The following SGMS1 variants were observed in gnomAD, a reference collection of about 807,000 sequenced individuals.
SGMS1 encodes sphingomyelin synthase 1.
Under a neutral mutation model 46.2 loss-of-function variants are expected in SGMS1, and 13 were observed. The observed-to-expected ratio is 0.28, with a 90% CI of 0.18 to 0.45. The LOEUF (loss-of-function observed/expected upper bound fraction) is 0.45. SGMS1 is among the 20% of genes least tolerant of loss of function. The probability of loss-of-function intolerance (pLI) is 1.00; values close to 1 mark genes in which losing one functional copy is unlikely to be tolerated. For synonymous variants in SGMS1, 203 were observed against 187.8 expected, an observed-to-expected ratio of 1.08 and a Z score of -0.66; for missense variants, 324 against 519.9, an observed-to-expected ratio of 0.62 and a Z score of 3.66.
At chr10:50,615,719 A>T (rs1330341845) in intron 1 of SGMS1, among the ~76,000 whole-genome samples, 1 of 152,208 alleles carries the variant, frequency 6.6e-6, no homozygotes, top group Admixed American at 6.5e-5. Flanking sequence ...CAAGGCTCCC[A>T]ACAGAAATGA....
chr10:50,559,929 T>C (rs1838218888), intron 2 of SGMS1, among the ~76,000 whole-genome samples: 1 of 151,996 alleles, frequency 6.6e-6, no homozygotes, highest in South Asian at 2.1e-4. Flanking sequence ...TTTGTTAAAA[T>C]AGAAGAAAGG....
rs778766096 is a variant in SGMS1, at chr10:50,343,622, C to T, written c.493G>A (p.Val165Met). 1.2e-6 allele frequency: 2 copies of T among 1,614,116 alleles called. No individual in the cohort carries two copies. Among genetic ancestry groups the T allele is most frequent in the South Asian group, 1.1e-5 (1 of 91,070 alleles). Residue 165 changes from valine (V) to methionine (M), a missense_variant, in exon 7 of 11, where the codon GTG (valine) becomes ATG (methionine). Coordinates refer to ENST00000361781, the MANE Select transcript of SGMS1 (RefSeq NM_147156.4). ...VVHERVPPKE[V>M]QPPLPDTFFD... ...AATGTGTCCGGTAGTGGAGGCTGCACCTCCTTAGGAGGTACTCGTTCGTGG... is the reference window on the plus strand; with the variant it reads ...AATGTGTCCGGTAGTGGAGGCTGCATCTCCTTAGGAGGTACTCGTTCGTGG...
At chr10:50,488,251 T>C (rs1232034445) in intron 3 of SGMS1, among the ~76,000 whole-genome samples, 1 of 152,076 alleles carries the variant, frequency 6.6e-6, no homozygotes, top group Non-Finnish European at 1.5e-5. Flanking sequence ...TGACTTCAAA[T>C]GATCCATCCA....
chr10:50,477,876 T>G (rs1315459099), intron 3 of SGMS1, among the ~76,000 whole-genome samples: 2 of 152,200 alleles, frequency 1.3e-5, no homozygotes, highest in African/African-American at 4.8e-5. Context: ...CAGAAGCCTG[T>G]ACATCCAACA....
At chr10:50,453,403 T>C (rs1005570858) in intron 5 of SGMS1, among the ~76,000 whole-genome samples, 7 of 151,554 alleles carry the variant, frequency 4.6e-5, no homozygotes, top group Admixed American at 1.3e-4. Flanking sequence ...GGGATAAAAC[T>C]GTAGGATAAA....
chr10:50,342,137 C>G (rs925333152), intron 7 of SGMS1: 1 of 152,244 alleles, frequency 6.6e-6, no homozygotes, highest in African/African-American at 2.4e-5. Context: ...GTATTTTGTT[C>G]CAGTGGGATT....
intron 3 of SGMS1, among the ~76,000 whole-genome samples, chr10:50,507,918 T>C (rs926447969): frequency 2.6e-5 from 4 of 152,180 alleles, no homozygotes; most frequent in Non-Finnish European, 5.9e-5. Flanking sequence ...TCCAAGCCAG[T>C]GGCTCCTCTG....
At chr10:50,415,057 C>G (rs183297077) in intron 6 of SGMS1, among the ~76,000 whole-genome samples, 212 of 152,310 alleles carry the variant, frequency 1.4e-3, no homozygotes, top group Middle Eastern at 3.4e-3. Context: ...GGAGGCGGAG[C>G]TTGCAGTGAG....
rs575218188 is a variant in SGMS1 at position 50,500,751 on chromosome 10, A to T, written c.-498+19080T>A. Among the ~76,000 whole-genome samples the T allele has an allele frequency of 2.0e-5, 3 of 152,338 alleles. No homozygotes were observed. In the South Asian group the frequency reaches 6.2e-4, roughly 32 times the overall value. Reference sequence around the variant, plus strand: ...CAGGACTACCACCTTGGCTAACGTAAGTCCATACTAACTTTTTTCTTCCAT... The same window carrying T: ...CAGGACTACCACCTTGGCTAACGTATGTCCATACTAACTTTTTTCTTCCAT... On this transcript the variant is annotated intron_variant, in intron 3 of 10. Transcript: ENST00000361781.
upstream of SGMS1, chr10:50,624,639 C>T (rs1355289307): frequency 4.1e-6 from 4 of 985,348 alleles, no homozygotes; most frequent in East Asian, 1.1e-4. Context: ...GCGGCGAAAA[C>T]CCGGAGAGCG....
At chr10:50,378,904 T>C (rs1167802132) in intron 6 of SGMS1, among the ~76,000 whole-genome samples, 4 of 152,196 alleles carry the variant, frequency 2.6e-5, no homozygotes, top group African/African-American at 9.7e-5. Context: ...GGGAGGTTTT[T>C]TCTTCCTAAA....
At chr10:50,416,531 T>C (rs1564907551) in intron 6 of SGMS1, among the ~76,000 whole-genome samples, 1 of 152,176 alleles carries the variant, frequency 6.6e-6, no homozygotes, top group African/African-American at 2.4e-5. Flanking sequence ...AGAGATATAA[T>C]AAAATATTAT....
upstream of SGMS1, chr10:50,625,015 T>TC (rs1838909433): frequency 9.9e-7 from 1 of 1,006,600 alleles, no homozygotes; most frequent in Non-Finnish European, 1.2e-6. Context: ...GGGACCGTCC[T>TC]CCCCCGCCAC....
intron 3 of SGMS1, among the ~76,000 whole-genome samples, chr10:50,494,638 TAGG>T (rs1347893253): frequency 6.6e-6 from 1 of 151,776 alleles, no homozygotes; most frequent in Admixed American, 6.6e-5. Context: ...GGGTAGAGGG[TAGG>T]AGGAGGGAAA....
intron 1 of SGMS1, among the ~76,000 whole-genome samples, chr10:50,622,704 G>T (rs1838865254): frequency 6.6e-6 from 1 of 152,202 alleles, no homozygotes; most frequent in South Asian, 2.1e-4. Context: ...CACCTGCCTG[G>T]ATTCTCTTCG....
intron 6 of SGMS1, among the ~76,000 whole-genome samples, chr10:50,379,859 C>A (rs137932217): frequency 1.3e-5 from 2 of 152,112 alleles, no homozygotes; most frequent in Non-Finnish European, 2.9e-5. Flanking sequence ...TTCCTGGCAA[C>A]GGCAGTTCTG....
intron 2 of SGMS1, among the ~76,000 whole-genome samples, chr10:50,538,457 CA>C (rs61633959): frequency 0.69 from 59,212 of 85,668 alleles, 18,523 homozygotes; most frequent in East Asian, 0.9. Context: ...GACTCCATCT[CA>C]AAAAAAAAAA....
At chr10:50,369,936 A>G (rs1277641632) in intron 6 of SGMS1, among the ~76,000 whole-genome samples, 1 of 152,222 alleles carries the variant, frequency 6.6e-6, no homozygotes. Context: ...TCTAGATTAA[A>G]AACTTGTACA....
At chr10:50,584,407 G>A (rs762505633) in intron 2 of SGMS1, among the ~76,000 whole-genome samples, 3 of 150,496 alleles carry the variant, frequency 2.0e-5, no homozygotes, top group Non-Finnish European at 2.9e-5. Flanking sequence ...GCTGAAGCAG[G>A]AGAATCACTT....
Sources: allele counts gnomAD v4.1 joint callset (sites outside exome capture counted in the v4.1 genomes callset), GRCh38; gene constraint gnomAD v4.1.1; transcripts MANE v1.5; gene names NCBI Gene and HGNC (gene_info 2026-07-23, HGNC 2026-07-21).